The following FRMD4B variants were observed in gnomAD, a reference collection of about 807,000 sequenced individuals.
The protein encoded by FRMD4B is FERM domain-containing protein 4B.
FRMD4B carries 74 observed loss-of-function variants against 141.5 expected under a neutral mutation model. That is an observed-to-expected ratio of 0.52 (90% CI 0.43 to 0.63). The LOEUF (loss-of-function observed/expected upper bound fraction) is 0.63. Ranked by LOEUF, FRMD4B falls within the 30% of genes least tolerant of loss-of-function variation. The pLI is 0.00. For missense variants in FRMD4B, 1,366 were observed against 1,253.4 expected, an observed-to-expected ratio of 1.09 and a Z score of -1.36; for synonymous variants, 506 against 467.9, an observed-to-expected ratio of 1.08 and a Z score of -1.05.
At chr3:69,358,473 T>A (rs1575762545) in intron 1 of FRMD4B, among the ~76,000 whole-genome samples, 1 of 152,184 alleles carries the variant, frequency 6.6e-6, no homozygotes, top group Non-Finnish European at 1.5e-5. Flanking sequence ...GGGGGGCACA[T>A]GCCTGTAATC....
chr3:69,437,468 T>C (rs1705276766), intron 1 of FRMD4B, among the ~76,000 whole-genome samples: 1 of 147,078 alleles, frequency 6.8e-6, no homozygotes, highest in Non-Finnish European at 1.5e-5. Context: ...CTAGTGTATA[T>C]ACTAGTATAC....
intron 4 of FRMD4B, among the ~76,000 whole-genome samples, chr3:69,294,500 C>T (rs1700977965): frequency 1.3e-5 from 2 of 152,330 alleles, no homozygotes; most frequent in South Asian, 4.1e-4. Context: ...AGGGGAAGCA[C>T]TGTTTGCTTC....
intron 5 of FRMD4B, among the ~76,000 whole-genome samples, chr3:69,286,062 C>T (rs1157266903): frequency 2.0e-5 from 3 of 152,202 alleles, no homozygotes; most frequent in South Asian, 2.1e-4. Context: ...TGTGAATTAT[C>T]TTCTAAAACC....
intron 3 of FRMD4B, among the ~76,000 whole-genome samples, chr3:69,307,901 G>T (rs142440870): frequency 1.3e-5 from 2 of 152,138 alleles, no homozygotes; most frequent in South Asian, 4.1e-4. Flanking sequence ...GCTCACCTAT[G>T]ATCTTGTCCC....
chr3:69,212,125 C>T (rs549752233), intron 11 of FRMD4B, among the ~76,000 whole-genome samples: 3 of 151,146 alleles, frequency 2.0e-5, no homozygotes, highest in Non-Finnish European at 3.0e-5. Context: ...TTGGGAGGCC[C>T]GAGGCAGGTG....
chr3:69,254,580 T>C (rs1340596852), intron 5 of FRMD4B, among the ~76,000 whole-genome samples: 2 of 152,050 alleles, frequency 1.3e-5, no homozygotes, highest in African/African-American at 2.4e-5. Context: ...TTGCCAATAA[T>C]GGGATAGATC....
intron 5 of FRMD4B, among the ~76,000 whole-genome samples, chr3:69,256,010 T>C (rs1455243783): frequency 6.6e-6 from 1 of 151,974 alleles, no homozygotes; most frequent in Admixed American, 6.6e-5. Flanking sequence ...GGTGGGAGGA[T>C]TGCTTGAGCC....
chr3:69,209,793 G>T (rs559099551), intron 11 of FRMD4B, among the ~76,000 whole-genome samples: 2 of 152,180 alleles, frequency 1.3e-5, no homozygotes, highest in Admixed American at 1.3e-4. Context: ...GCTTTATTTG[G>T]CATTAATGTA....
At chr3:69,345,397 T>G (rs1208368824) in intron 1 of FRMD4B, among the ~76,000 whole-genome samples, 7 of 152,174 alleles carry the variant, frequency 4.6e-5, no homozygotes, top group Non-Finnish European at 7.4e-5. Flanking sequence ...CTCTGTAGAC[T>G]CCATCTCTGG....
intron 1 of FRMD4B, among the ~76,000 whole-genome samples, chr3:69,463,850 G>A (rs974198622): frequency 1.3e-4 from 20 of 152,330 alleles, no homozygotes; most frequent in Non-Finnish European, 5.9e-5. Context: ...ACAAAGAAAT[G>A]ACTGCCTCAT....
At chr3:69,484,856 C>T (rs888506108) in intron 1 of FRMD4B, among the ~76,000 whole-genome samples, 3 of 152,160 alleles carry the variant, frequency 2.0e-5, no homozygotes, top group African/African-American at 4.8e-5. Context: ...TGTGCTAACT[C>T]GTCCATGGGC....
At chr3:69,532,438 C>T (rs1349586236) in intron 1 of FRMD4B, among the ~76,000 whole-genome samples, 1 of 152,118 alleles carries the variant, frequency 6.6e-6, no homozygotes, top group Admixed American at 6.5e-5. Flanking sequence ...AGACAAAGTG[C>T]AGGGTGCACA....
intron 1 of FRMD4B, among the ~76,000 whole-genome samples, chr3:69,541,721 T>C (rs922248312): frequency 6.6e-6 from 1 of 152,014 alleles, no homozygotes; most frequent in East Asian, 1.9e-4. Flanking sequence ...GCGGCTAGGA[T>C]CTGAAACACC....
chr3:69,348,084 A>AAATT (rs1218834182), intron 1 of FRMD4B, among the ~76,000 whole-genome samples: 1 of 152,210 alleles, frequency 6.6e-6, no homozygotes, highest in Non-Finnish European at 1.5e-5. Flanking sequence ...ATAGACTGCT[A>AAATT]GCAAGACTAA....
chr3:69,265,510 G>A (rs1480363093), intron 5 of FRMD4B, among the ~76,000 whole-genome samples: 3 of 137,078 alleles, frequency 2.2e-5, no homozygotes, highest in African/African-American at 5.5e-5. Flanking sequence ...GTGCAGTGGC[G>A]CGATCTCGGC....
intron 2 of FRMD4B, among the ~76,000 whole-genome samples, chr3:69,311,641 T>C (rs1023802697): frequency 6.6e-6 from 1 of 152,110 alleles, no homozygotes; most frequent in Non-Finnish European, 1.5e-5. Context: ...TACTAAGATG[T>C]TTTGGAAAAA....
intron 5 of FRMD4B, among the ~76,000 whole-genome samples, chr3:69,275,315 T>G (rs2093612711): frequency 6.6e-6 from 1 of 152,244 alleles, no homozygotes; most frequent in African/African-American, 2.4e-5. Context: ...AAGCCTTTGC[T>G]GTTCTAGATA....
Position 69,302,371 on chromosome 3 carries a change from C to T in FRMD4B, c.388G>A (p.Gly130Ser). ...VLDHDLPKKP[G>S]PTILHFAVRF... ...ACAGCAAAGTGCAAAATGGTTGGGCCTGGTTTCTTGGGCAAATCGTGGTCA... is the reference window on the plus strand; with the variant it reads ...ACAGCAAAGTGCAAAATGGTTGGGCTTGGTTTCTTGGGCAAATCGTGGTCA... The change falls in exon 4 of 23, where the codon GGC (glycine) becomes AGC (serine). Residue 130 changes from glycine to serine, a missense_variant. Physicochemically the swap from Gly to Ser is moderately conservative, Grantham distance 56. Coordinates refer to ENST00000398540, the MANE Select transcript of FRMD4B (RefSeq NM_015123.3). 1.9e-6 allele frequency: 3 copies of T among 1,607,986 alleles called. No homozygotes were observed. Among genetic ancestry groups the T allele is most frequent in the Non-Finnish European group, 2.6e-6 (3 of 1,175,762 alleles).
At chr3:69,303,352 C>A (rs1701282053) in intron 3 of FRMD4B, among the ~76,000 whole-genome samples, 2 of 150,442 alleles carry the variant, frequency 1.3e-5, no homozygotes, top group South Asian at 2.1e-4. Flanking sequence ...AGCCAGGGAG[C>A]CTCTTTATAA....
Sources: allele counts gnomAD v4.1 joint callset (sites outside exome capture counted in the v4.1 genomes callset), GRCh38; gene constraint gnomAD v4.1.1; transcripts MANE v1.5; gene names NCBI Gene and HGNC (gene_info 2026-07-23, HGNC 2026-07-21).